CIMAP1D: variants seen among roughly 807,000 people sequenced by gnomAD.
CIMAP1D encodes the protein CIMAP1 family member D.
chr19:483,879 G>A, the CIMAP1D span, among the ~76,000 whole-genome samples: 1 of 152,312 alleles, frequency 6.6e-6, no homozygotes, highest in East Asian at 1.9e-4. Context: ...TGTAAAGCCA[G>A]GCCCCGCTTT....
the CIMAP1D span, among the ~76,000 whole-genome samples, chr19:480,482 G>C: frequency 0.062 from 7,348 of 118,848 alleles, 1,695 homozygotes; most frequent in African/African-American, 0.3. Context: ...TGATGGGGAA[G>C]GATGATGGTA....
At chr19:463,816 C>A in the CIMAP1D span, 1 of 1,574,576 alleles carries the variant, frequency 6.4e-7, no homozygotes, top group Non-Finnish European at 8.6e-7. Context: ...GCCAGCCCCC[C>A]GTTCACTGTG....
the CIMAP1D span, among the ~76,000 whole-genome samples, chr19:469,340 C>T: frequency 6.6e-6 from 1 of 151,916 alleles, no homozygotes; most frequent in African/African-American, 2.4e-5. Flanking sequence ...ACCTCAGCCT[C>T]CTAACTCTGG....
chr19:470,150 T>C, the CIMAP1D span, among the ~76,000 whole-genome samples: 2 of 151,396 alleles, frequency 1.3e-5, no homozygotes, highest in African/African-American at 4.9e-5. Context: ...CCAGGAGGTG[T>C]CCTGAGACTG....
the CIMAP1D span, chr19:489,784 G>C: frequency 2.7e-6 from 1 of 364,730 alleles, no homozygotes; most frequent in Non-Finnish European, 4.9e-6. Flanking sequence ...GGGACGGAGA[G>C]CGCGCTCGGG....
chr19:490,352 A>T, the CIMAP1D span: 1 of 213,416 alleles, frequency 4.7e-6, no homozygotes, highest in Non-Finnish European at 9.1e-6. Flanking sequence ...GTGAAACTCC[A>T]GCTAAAAAAA....
the CIMAP1D span, among the ~76,000 whole-genome samples, chr19:470,207 CTTTTT>C: frequency 5.2e-5 from 6 of 116,080 alleles, no homozygotes; most frequent in Non-Finnish European, 5.3e-5. Context: ...AGGCTAAGTT[CTTTTT>C]TTTTTTTTTT....
chr19:480,958 G>A, the CIMAP1D span, among the ~76,000 whole-genome samples: 2 of 89,566 alleles, frequency 2.2e-5, no homozygotes, highest in African/African-American at 3.8e-5. Flanking sequence ...GAAGGAATGT[G>A]GGAAGGATGA....
chr19:474,522 C>A, the CIMAP1D span: 1 of 1,227,444 alleles, frequency 8.1e-7, no homozygotes, highest in African/African-American at 1.6e-5. Flanking sequence ...GCCTGAAACT[C>A]CTGCCTCCTG....
At chr19:488,956 C>G in the CIMAP1D span, among the ~76,000 whole-genome samples, 1 of 151,910 alleles carries the variant, frequency 6.6e-6, no homozygotes, top group Non-Finnish European at 1.5e-5. Context: ...CCAGGGCGTC[C>G]GCGCCGCCCG....
the CIMAP1D span, among the ~76,000 whole-genome samples, chr19:480,063 G>T: frequency 6.6e-6 from 1 of 152,218 alleles, no homozygotes. Context: ...CTGGGAGGTC[G>T]GGAGCCTCGC....
chr19:472,484 AC>A, the CIMAP1D span: 6 of 1,544,512 alleles, frequency 3.9e-6, no homozygotes, highest in Non-Finnish European at 4.4e-6. Context: ...GGCAGGACAT[AC>A]AAGCCTGGCC....
the CIMAP1D span, chr19:467,669 T>C: frequency 1.2e-6 from 2 of 1,611,892 alleles, no homozygotes; most frequent in African/African-American, 1.3e-5. Context: ...GGCCCGGCCC[T>C]GCATGGAGTA....
the CIMAP1D span, among the ~76,000 whole-genome samples, chr19:481,307 A>C: frequency 1.1e-5 from 1 of 91,540 alleles, no homozygotes; most frequent in Non-Finnish European, 2.4e-5. Context: ...GGGAAGGATG[A>C]TGGAGAACGA....
At chr19:476,998 G>A in the CIMAP1D span, among the ~76,000 whole-genome samples, 1 of 152,166 alleles carries the variant, frequency 6.6e-6, no homozygotes, top group South Asian at 2.1e-4. Flanking sequence ...CTTCAGCTCA[G>A]GAGTTCAAGA....
At chr19:484,290 G>A in the CIMAP1D span, among the ~76,000 whole-genome samples, 38,252 of 151,472 alleles carry the variant, frequency 0.25, 4,781 homozygotes, top group East Asian at 0.28. Context: ...ACAGGTGTGC[G>A]CCACCACGCC....
the CIMAP1D span, chr19:489,824 C>T: frequency 1.3e-5 from 5 of 377,636 alleles, no homozygotes; most frequent in Non-Finnish European, 2.3e-5. Flanking sequence ...GGTTGGGTGG[C>T]GAATGGAGAG....
the CIMAP1D span, chr19:464,318 C>G: frequency 1.9e-6 from 3 of 1,538,746 alleles, no homozygotes; most frequent in Non-Finnish European, 1.7e-6. Context: ...GCACAGGGGG[C>G]ACCTTCTCTG....
the CIMAP1D span, chr19:464,081 G>T: frequency 2.0e-6 from 3 of 1,503,310 alleles, no homozygotes; most frequent in Non-Finnish European, 2.7e-6. Context: ...AGGTGTTTGC[G>T]TCCGGGCTGT....
Sources: allele counts gnomAD v4.1 joint callset (sites outside exome capture counted in the v4.1 genomes callset), GRCh38; gene constraint gnomAD v4.1.1; transcripts MANE v1.5; gene names NCBI Gene and HGNC (gene_info 2026-07-23, HGNC 2026-07-21).